ADAMTS17: variants seen among roughly 807,000 people sequenced by gnomAD.
The protein encoded by ADAMTS17 is A disintegrin and metalloproteinase with thrombospondin motifs 17.
Under a neutral mutation model 141.5 loss-of-function variants are expected in ADAMTS17, and 113 were observed. The ratio of observed to expected loss-of-function variants is 0.80; its 90% CI spans 0.69 to 0.93. The LOEUF (loss-of-function observed/expected upper bound fraction) is 0.93, where lower values mean the gene tolerates loss of function less well. Ranked by LOEUF, ADAMTS17 falls within the 40% of genes least tolerant of loss-of-function variation. The pLI is 0.00. For synonymous variants in ADAMTS17, 768 were observed against 630.6 expected (o/e 1.22, Z -3.27); for missense variants, 1,659 against 1,517.9 (o/e 1.09, Z -1.54).
chr15:100,144,367 T>C (rs1234251514), intron 10 of ADAMTS17, among the ~76,000 whole-genome samples: 1 of 152,032 alleles, frequency 6.6e-6, no homozygotes, highest in Non-Finnish European at 1.5e-5. Flanking sequence ...CTGGCCAACA[T>C]GGCAAAACCC....
At chr15:99,990,101 T>C (rs1303906658) in intron 20 of ADAMTS17, among the ~76,000 whole-genome samples, 1 of 152,206 alleles carries the variant, frequency 6.6e-6, no homozygotes, top group Admixed American at 6.5e-5. Context: ...AGTGGTGCAA[T>C]AATGGCTCAC....
chr15:100,141,852 G>T (rs979418986), intron 10 of ADAMTS17, among the ~76,000 whole-genome samples: 2 of 152,240 alleles, frequency 1.3e-5, no homozygotes, highest in African/African-American at 2.4e-5. Flanking sequence ...TGCAGATGCT[G>T]GGCAGGAAGC....
intron 7 of ADAMTS17, among the ~76,000 whole-genome samples, chr15:100,228,625 A>G (rs551519290): frequency 2.6e-5 from 4 of 152,206 alleles, no homozygotes; most frequent in African/African-American, 9.6e-5. Flanking sequence ...ACCACGAGAG[A>G]GCGCTGAACA....
chr15:100,152,513 C>T (rs1183183144), intron 10 of ADAMTS17, 99 bp downstream of exon 10: 5 of 1,517,496 alleles, frequency 3.3e-6, no homozygotes, highest in Non-Finnish European at 3.6e-6. Flanking sequence ...TGTGCCTGTG[C>T]TGAGTGTGAA....
chr15:100,298,959 G>A (rs2044924716), intron 3 of ADAMTS17, among the ~76,000 whole-genome samples: 3 of 152,196 alleles, frequency 2.0e-5, no homozygotes, highest in Admixed American at 2.0e-4. Context: ...ACTTGTTCCA[G>A]GCCTCTCTCC....
intron 18 of ADAMTS17, 43 bp downstream of exon 18, chr15:100,048,814 C>T: frequency 1.2e-6 from 2 of 1,613,884 alleles, no homozygotes; most frequent in Non-Finnish European, 8.5e-7. Flanking sequence ...GTGCTGCCGC[C>T]CCAGACTCTG....
At chr15:100,080,686 C>T (rs1442123894) in intron 15 of ADAMTS17, among the ~76,000 whole-genome samples, 1 of 152,112 alleles carries the variant, frequency 6.6e-6, no homozygotes, top group Non-Finnish European at 1.5e-5. Context: ...TTATTTCCTC[C>T]TTTTTTTGCT....
At chr15:100,288,782 A>T (rs919639984) in intron 3 of ADAMTS17, among the ~76,000 whole-genome samples, 1 of 152,244 alleles carries the variant, frequency 6.6e-6, no homozygotes, top group Admixed American at 6.5e-5. Context: ...TTAAGGCAGA[A>T]ATCAATGAAT....
At chr15:100,326,127 A>G (rs2045893819) in intron 3 of ADAMTS17, among the ~76,000 whole-genome samples, 1 of 152,218 alleles carries the variant, frequency 6.6e-6, no homozygotes, top group Non-Finnish European at 1.5e-5. Flanking sequence ...CGCCTCTACC[A>G]TGGTTCTTTT....
At chr15:100,294,373 G>A (rs977667300) in intron 3 of ADAMTS17, among the ~76,000 whole-genome samples, 1 of 152,052 alleles carries the variant, frequency 6.6e-6, no homozygotes, top group African/African-American at 2.4e-5. Context: ...TCTGCAGGAG[G>A]CATGAAATAA....
intron 3 of ADAMTS17, among the ~76,000 whole-genome samples, chr15:100,289,612 C>G (rs895535756): frequency 1.1e-4 from 17 of 152,094 alleles, no homozygotes; most frequent in African/African-American, 4.1e-4. Flanking sequence ...ATGCAAAAAT[C>G]TTCAACAAAA....
chr15:100,176,538 C>G (rs2040345259), intron 8 of ADAMTS17, among the ~76,000 whole-genome samples: 3 of 152,176 alleles, frequency 2.0e-5, no homozygotes. Flanking sequence ...CACCCTTCCC[C>G]CAGCCTCCCA....
intron 3 of ADAMTS17, among the ~76,000 whole-genome samples, chr15:100,321,283 C>CA (rs2045726296): frequency 6.6e-6 from 1 of 151,758 alleles, no homozygotes; most frequent in Non-Finnish European, 1.5e-5. Flanking sequence ...AACAAACAAA[C>CA]AACAACAAAG....
chr15:100,318,271 C>T (rs1200551742), intron 3 of ADAMTS17, among the ~76,000 whole-genome samples: 3 of 149,138 alleles, frequency 2.0e-5, no homozygotes, highest in African/African-American at 7.3e-5. Context: ...AAATCTAACA[C>T]CCGCCCCCCC....
At chr15:100,170,240 T>C (rs2040109583) in intron 8 of ADAMTS17, among the ~76,000 whole-genome samples, 1 of 152,144 alleles carries the variant, frequency 6.6e-6, no homozygotes, top group South Asian at 2.1e-4. Context: ...TAAAAACATA[T>C]TGCCAGGAGA....
At chr15:100,170,298 AG>A (rs1274919195) in intron 8 of ADAMTS17, among the ~76,000 whole-genome samples, 2 of 152,224 alleles carry the variant, frequency 1.3e-5, no homozygotes, top group African/African-American at 4.8e-5. Flanking sequence ...CAGGCCTTAA[AG>A]AGCTGCAGGG....
chr15:100,162,065 GATAA>G lies in ADAMTS17; in HGVS notation c.1182-6749_1182-6746del, dbSNP rs147443576. Among the ~76,000 whole-genome samples the G allele has an allele frequency of 8.0e-3, 1,212 of 152,208 alleles. 17 individuals are homozygous for G. Among genetic ancestry groups the G allele is most frequent in the African/African-American group, 0.027 (1,107 of 41,526 alleles). On this transcript the variant is annotated intron_variant, in intron 8 of 21. Transcript: ENST00000268070. ...AGTACAAACTTCGGAATCACCAATG[GATAA>G]ATAATGACCAATATAGTGTTGGTGT...
chr15:100,162,775 T>C (rs918831828), intron 8 of ADAMTS17, among the ~76,000 whole-genome samples: 3 of 146,064 alleles, frequency 2.1e-5, no homozygotes, highest in African/African-American at 7.5e-5. Context: ...TATACACATA[T>C]ATATACATAT....
chr15:100,168,545 G>T (rs1195735298), intron 8 of ADAMTS17: 1 of 152,164 alleles, frequency 6.6e-6, no homozygotes, highest in Non-Finnish European at 1.5e-5. Flanking sequence ...AAAAGCTCCT[G>T]AAGATGAAAA....
Sources: gnomAD v4.1 joint callset for allele counts (sites outside exome capture counted in the v4.1 genomes callset) on GRCh38, gnomAD v4.1.1 for gene constraint, MANE v1.5 for transcripts, NCBI Gene and HGNC (gene_info 2026-07-23, HGNC 2026-07-21) for gene names.